Variants in GAS6 observed in about 807,000 individuals in gnomAD.
GAS6 encodes growth arrest-specific protein 6.
GAS6 carries 41 observed loss-of-function variants against 75.8 expected under a neutral mutation model. The ratio of observed to expected loss-of-function variants is 0.54; its 90% CI spans 0.42 to 0.70. GAS6 has a LOEUF of 0.70. GAS6 is among the 30% of genes least tolerant of loss of function. GAS6 has a pLI of 0.00. For synonymous variants in GAS6, 432 were observed against 412.6 expected (o/e 1.05, Z -0.57); for missense variants, 854 against 940.2 (o/e 0.91, Z 1.20).
Position 113,822,024 on chromosome 13 carries a change from C to T in GAS6, c.1816G>A (p.Glu606Lys). ...TGCCTCTCGAGCACGGCCAGCCTCT[C>T]CTGCAGCTGCGCGGCGCTCACCTCG... is the stretch of plus-strand genomic sequence containing the variant. ...QSEVSAAQLQ[E>K]RLAVLERHLR... The change falls in exon 14 of 15, where the codon GAG becomes AAG. Residue 606 changes from glutamate to lysine, a missense_variant. Transcript: ENST00000327773. The T allele has an allele frequency of 6.4e-7, 1 of 1,567,954 alleles. No homozygotes were observed. Among genetic ancestry groups the T allele is most frequent in the Non-Finnish European group, 8.6e-7 (1 of 1,158,496 alleles).
chr13:113,821,226 G>A (rs989120028), intron 14 of GAS6: 39 of 596,976 alleles, frequency 6.5e-5, no homozygotes, highest in Non-Finnish European at 1.1e-4. Context: ...GGGCTCTGCA[G>A]ACGCCAGCCC....
At chr13:113,855,835 A>G (rs56865280) in intron 2 of GAS6, among the ~76,000 whole-genome samples, 11,991 of 152,270 alleles carry the variant, frequency 0.079, 602 homozygotes, top group East Asian at 0.17. Context: ...CTTCTCCTCC[A>G]GCTTTATCCA....
At chr13:113,835,744 A>G in intron 6 of GAS6, 109 bp from the exon 7 acceptor site, 1 of 1,504,140 alleles carries the variant, frequency 6.6e-7, no homozygotes, top group South Asian at 1.3e-5. Flanking sequence ...TCGCATCCAG[A>G]CTCTGTGGGG....
At chr13:113,861,129 A>G (rs1159833562) in intron 2 of GAS6, among the ~76,000 whole-genome samples, 1 of 152,208 alleles carries the variant, frequency 6.6e-6, no homozygotes, top group Admixed American at 6.5e-5. Flanking sequence ...GGGCAGTGGG[A>G]CACACTTCGG....
intron 12 of GAS6, among the ~76,000 whole-genome samples, chr13:113,824,099 G>T (rs1262270103): frequency 7.8e-6 from 1 of 128,716 alleles, no homozygotes; most frequent in East Asian, 2.0e-4. Context: ...AGGAGCACCC[G>T]CGGTCTGAGT....
At chr13:113,831,493 G>A (rs12869880) in intron 10 of GAS6, among the ~76,000 whole-genome samples, 13,331 of 152,120 alleles carry the variant, frequency 0.088, 771 homozygotes, top group South Asian at 0.29. Flanking sequence ...TGCGTGTAGC[G>A]TCAAGCAGCC....
rs755806584 is a variant in GAS6, at chr13:113,821,063, C to T, written c.1883-45G>A. On this transcript the variant is annotated intron_variant, in intron 14 of 14. Coordinates refer to ENST00000327773, the MANE Select transcript of GAS6 (RefSeq NM_000820.4). ...CAACATATCTTAGCTCACCACGTGGCCGGCCCCGCCTGGCCCCCCCACCCC... is the reference window on the plus strand; with the variant it reads ...CAACATATCTTAGCTCACCACGTGGTCGGCCCCGCCTGGCCCCCCCACCCC... 3 of 1,591,256 alleles carry T rather than the reference C, an allele frequency of 1.9e-6. No individual in the cohort carries two copies. The East Asian group carries it at 6.8e-5, about 36-fold the overall frequency.
rs930399638 is a variant in GAS6 at position 113,864,051 on chromosome 13, G to A, written c.-131C>T. On this transcript the variant is annotated 5_prime_UTR_variant, in exon 1 of 15. Coordinates refer to ENST00000327773, the MANE Select transcript of GAS6 (RefSeq NM_000820.4). The stretch of plus-strand genomic sequence containing the variant: ...CATCGCGGCGGCGGCGGCGGCGGCG[G>A]CTGCGGCACCTCAAGCGCTCGGTCT... 2.8e-5 allele frequency: 26 copies of A among 937,298 alleles called. No individual in the cohort carries two copies. The highest frequency in any genetic ancestry group is 3.6e-5 in the African/African-American group (2 of 55,588). The allele number at this position is 937,298 out of a possible 1,614,324, so 58.1% of individuals were successfully genotyped here. A position where few individuals can be genotyped will look rare whatever the true frequency, so the allele number is the denominator to read the frequency against.
chr13:113,826,430 G>GGCTTCGCAGGCACCTT (rs2051541783), intron 12 of GAS6, among the ~76,000 whole-genome samples: 1 of 140,444 alleles, frequency 7.1e-6, no homozygotes, highest in Non-Finnish European at 1.6e-5. Flanking sequence ...CGCTGGCCTC[G>GGCTTCGCAGGCACCTT]CAGGCACCTT....
intron 12 of GAS6, 56 bp from the exon 13 acceptor site, chr13:113,823,606 A>G: frequency 6.6e-7 from 1 of 1,521,896 alleles, no homozygotes; most frequent in Non-Finnish European, 9.0e-7. Context: ...GGCCACAGTG[A>G]GGTCGGAGCA....
At chr13:113,858,619 CTATG>C (rs1199896804) in intron 2 of GAS6, among the ~76,000 whole-genome samples, 2 of 130,282 alleles carry the variant, frequency 1.5e-5, no homozygotes, top group Non-Finnish European at 3.1e-5. Context: ...CTGTGTGTGC[CTATG>C]TATGCATGTC....
intron 2 of GAS6, among the ~76,000 whole-genome samples, chr13:113,849,584 G>A (rs1475381547): frequency 1.3e-5 from 2 of 152,144 alleles, no homozygotes; most frequent in Non-Finnish European, 2.9e-5. Flanking sequence ...GTGAGCAAAC[G>A]GCCTAACTAT....
intron 2 of GAS6, among the ~76,000 whole-genome samples, chr13:113,857,870 A>C (rs1371210912): frequency 1.3e-5 from 2 of 152,352 alleles, no homozygotes; most frequent in Non-Finnish European, 2.9e-5. Flanking sequence ...GGAGCCTGGC[A>C]CCAAGTGCCT....
In GAS6 at chr13:113,832,462, G is replaced by T; in HGVS notation, c.980C>A (p.Thr327Asn). 6.2e-7 allele frequency: 1 copy of T among 1,603,660 alleles called. No homozygotes were observed. Among genetic ancestry groups the T allele is most frequent in the South Asian group, 1.1e-5 (1 of 90,450 alleles). ...TRLVAEFDFR[T>N]FDPEGILLFA... ...GAGGAGGATGCCCTCGGGGTCAAAG[G>T]TCCGGAAGTCAAACTCAGCTACCAG... is the stretch of plus-strand genomic sequence containing the variant. The change falls in exon 10 of 15, where the codon ACC becomes AAC. Residue 327 changes from threonine to asparagine, a missense_variant. Transcript: ENST00000327773.
At chr13:113,858,624 TATGC>T (rs2051935461) in intron 2 of GAS6, among the ~76,000 whole-genome samples, 4 of 138,946 alleles carry the variant, frequency 2.9e-5, no homozygotes, top group African/African-American at 1.2e-4. Flanking sequence ...TGTGCCTATG[TATGC>T]ATGTCTGTGT....
intron 10 of GAS6, among the ~76,000 whole-genome samples, chr13:113,829,183 G>A (rs113953719): frequency 1.1e-4 from 9 of 82,602 alleles, no homozygotes; most frequent in Admixed American, 1.2e-4. Context: ...AGAGGGTCCC[G>A]ATCTCAGGGA....
rs1188349253 is a variant in GAS6 at position 113,823,538 on chromosome 13, A to T, written c.1490T>A (p.Leu497Gln). 2.5e-6 allele frequency: 4 copies of T among 1,611,788 alleles called. No homozygotes were observed. The Admixed American group carries it at 5.0e-5, about 20-fold the overall frequency. The change falls in exon 13 of 15, where the codon CTG becomes CAG. Residue 497 changes from leucine (L) to glutamine (Q), a missense_variant. Coordinates refer to ENST00000327773, the MANE Select transcript of GAS6 (RefSeq NM_000820.4). ...FYSLDYMRTP[L>Q]DVGTESTWEV... The stretch of plus-strand genomic sequence containing the variant: ...CCAGGTTGATTCAGTCCCGACGTCC[A>T]GAGGGGTCCGCACTGCAATGAAAGC...
intron 13 of GAS6, 33 bp downstream of exon 13, chr13:113,823,342 C>T (rs768943498): frequency 8.2e-6 from 13 of 1,580,302 alleles, no homozygotes; most frequent in East Asian, 4.5e-5. Context: ...TGGGTCGAGC[C>T]GGTCAGGACG....
chr13:113,830,753 C>T lies in GAS6; in HGVS notation c.1143+1546G>A, dbSNP rs1257036446. ...CAACACCACTCCCTCCAGGCGACCTCGCCTCAGGCCACCTGCCCCGGGCCC... is the reference window on the plus strand; with the variant it reads ...CAACACCACTCCCTCCAGGCGACCTTGCCTCAGGCCACCTGCCCCGGGCCC... On this transcript the variant is annotated intron_variant, in intron 10 of 14. Transcript: ENST00000327773. Among the ~76,000 whole-genome samples the T allele has an allele frequency of 1.3e-4, 17 of 129,834 alleles. 1 individual carries two copies. The highest frequency in any genetic ancestry group is 3.2e-5 in the Non-Finnish European group (2 of 62,588). The allele number at this position is 129,834 out of a possible 152,430, so 85.2% of individuals were successfully genotyped here. A position where few individuals can be genotyped will look rare whatever the true frequency, so the allele number is the denominator to read the frequency against.
Sources: gnomAD v4.1 joint callset for allele counts (sites outside exome capture counted in the v4.1 genomes callset) on GRCh38, gnomAD v4.1.1 for gene constraint, MANE v1.5 for transcripts, NCBI Gene and HGNC (gene_info 2026-07-23, HGNC 2026-07-21) for gene names.